The following STUM variants were observed in gnomAD, a reference collection of about 807,000 sequenced individuals.
STUM encodes the protein protein stum homolog.
In STUM, 8 loss-of-function variants were observed where a neutral mutation model predicts 15.3. The observed-to-expected ratio is 0.52, with a 90% CI of 0.31 to 0.94. STUM has a LOEUF of 0.94. Ranked by LOEUF, STUM falls within the 40% of genes least tolerant of loss-of-function variation. The pLI, the probability that STUM is intolerant of heterozygous loss-of-function variation, is 0.05. For synonymous variants in STUM, 78 were observed against 88.7 expected (o/e 0.88, Z 0.68); for missense variants, 142 against 204.9 (o/e 0.69, Z 1.87).
At chr1:226,568,331 G>A (rs78002463) in intron 1 of STUM, among the ~76,000 whole-genome samples, 2,006 of 152,294 alleles carry the variant, frequency 0.013, 49 homozygotes, top group African/African-American at 0.045. Context: ...CAGGGCTGCC[G>A]TCAACCCTAG....
rs1668409835 is a variant in STUM, at chr1:226,609,090, T to C, written c.*7050T>C. ...CACACACCTTCCTATTATAAATATA[T>C]AAAGCATGACATCTCTTTGGCATTC... is the stretch of plus-strand genomic sequence containing the variant. On this transcript the variant is annotated 3_prime_UTR_variant, in exon 4 of 4. Transcript: ENST00000366788. The C allele has an allele frequency of 6.6e-6, 1 of 152,264 alleles. No individual in the cohort carries two copies. Among genetic ancestry groups the C allele is most frequent in the African/African-American group, 2.4e-5 (1 of 41,474 alleles). 9.4% of individuals were successfully genotyped at this position (152,264 alleles called of 1,614,324 possible).
At chr1:226,569,541 C>T (rs1667674263) in intron 1 of STUM, among the ~76,000 whole-genome samples, 1 of 152,222 alleles carries the variant, frequency 6.6e-6, no homozygotes, top group African/African-American at 2.4e-5. Flanking sequence ...CTGCAGTTCT[C>T]AGACCTCAGA....
chr1:226,593,182 T>A (rs1668117943), intron 1 of STUM, among the ~76,000 whole-genome samples: 1 of 84,030 alleles, frequency 1.2e-5, no homozygotes, highest in African/African-American at 6.1e-5. Context: ...TGAGACTCCG[T>A]CTCAAAAAAA....
chr1:226,602,114 C>G lies in STUM; in HGVS notation c.*74C>G. ...ACCAGGCAGCTTTGGGCACAAGGAC[C>G]TTTACATGTTCTTTTCTGCCATTTT... is the stretch of plus-strand genomic sequence containing the variant. On this transcript the variant is annotated 3_prime_UTR_variant, in exon 4 of 4. Transcript: ENST00000366788. 8.8e-7 allele frequency: 1 copy of G among 1,142,678 alleles called. No individual in the cohort carries two copies. The highest frequency in any genetic ancestry group is 1.3e-5 in the South Asian group (1 of 77,772). The allele number at this position is 1,142,678 out of a possible 1,614,324, so 70.8% of individuals were successfully genotyped here. A position where few individuals can be genotyped will look rare whatever the true frequency, so the allele number is the denominator to read the frequency against.
At chr1:226,599,266 G>A (rs1171481201) in intron 2 of STUM, among the ~76,000 whole-genome samples, 1 of 152,154 alleles carries the variant, frequency 6.6e-6, no homozygotes, top group African/African-American at 2.4e-5. Context: ...CCTCATTCTT[G>A]CCCACTGCCT....
chr1:226,583,241 C>CATTGCAAAGGCT (rs1667946697), intron 1 of STUM, among the ~76,000 whole-genome samples: 1 of 151,966 alleles, frequency 6.6e-6, no homozygotes, highest in Non-Finnish European at 1.5e-5. Flanking sequence ...AGCAAAGTCA[C>CATTGCAAAGGCT]ATTGCAAAGG....
intron 1 of STUM, among the ~76,000 whole-genome samples, chr1:226,558,949 C>T (rs1181336837): frequency 6.6e-6 from 1 of 152,130 alleles, no homozygotes; most frequent in Non-Finnish European, 1.5e-5. Flanking sequence ...GGCCCAGGCC[C>T]AGCACATACT....
intron 1 of STUM, among the ~76,000 whole-genome samples, chr1:226,572,719 C>T (rs1334041746): frequency 6.6e-6 from 1 of 152,190 alleles, no homozygotes; most frequent in African/African-American, 2.4e-5. Context: ...GGGGAAATGC[C>T]TGGAAGCCCC....
At chr1:226,568,810 G>C (rs571810091) in intron 1 of STUM, among the ~76,000 whole-genome samples, 2 of 152,398 alleles carry the variant, frequency 1.3e-5, no homozygotes, top group Admixed American at 1.3e-4. Context: ...ACACCTCATT[G>C]CTCCAGGGAC....
chr1:226,568,773 C>T (rs1018459884), intron 1 of STUM, among the ~76,000 whole-genome samples: 1 of 152,256 alleles, frequency 6.6e-6, no homozygotes, highest in African/African-American at 2.4e-5. Context: ...TGAGGAGCTT[C>T]GCCCCTGCGA....
At chr1:226,585,062 A>G (rs1667975528) in intron 1 of STUM, among the ~76,000 whole-genome samples, 1 of 152,222 alleles carries the variant, frequency 6.6e-6, no homozygotes, top group Non-Finnish European at 1.5e-5. Flanking sequence ...CTTGCTGTGT[A>G]GTCATCACAA....
rs1448758566 is a variant in STUM, at chr1:226,584,372, C to T, written c.203-12430C>T. ...ATCCAGCAGTTTGTTAAGGCCTGAG[C>T]CAGGAAACTGGCACAGTGCCACTTC... On this transcript the variant is annotated intron_variant, in intron 1 of 3. Coordinates refer to ENST00000366788, the MANE Select transcript of STUM (RefSeq NM_001003665.4). Among the ~76,000 whole-genome samples, 3 of 152,218 alleles carry T rather than the reference C, an allele frequency of 2.0e-5. No homozygotes were observed. The East Asian group carries it at 5.8e-4, about 29-fold the overall frequency.
At chr1:226,570,794 A>G (rs1380852498) in intron 1 of STUM, among the ~76,000 whole-genome samples, 1 of 152,208 alleles carries the variant, frequency 6.6e-6, no homozygotes, top group Non-Finnish European at 1.5e-5. Context: ...TTTTTGTGCC[A>G]TTGGACCCTT....
intron 1 of STUM, among the ~76,000 whole-genome samples, chr1:226,569,726 G>A (rs1397727320): frequency 6.6e-6 from 1 of 152,166 alleles, no homozygotes; most frequent in African/African-American, 2.4e-5. Context: ...GCCTGGGATT[G>A]AGGGACAAGA....
At chr1:226,601,590 G>A (rs1171730151) in intron 3 of STUM, among the ~76,000 whole-genome samples, 1 of 152,148 alleles carries the variant, frequency 6.6e-6, no homozygotes, top group Non-Finnish European at 1.5e-5. Context: ...CCCTCTGTAT[G>A]CCATCTTCCT....
chr1:226,551,268 G>A (rs941732941), intron 1 of STUM, among the ~76,000 whole-genome samples: 2 of 152,174 alleles, frequency 1.3e-5, no homozygotes, highest in African/African-American at 4.8e-5. Flanking sequence ...CTGGTGCATA[G>A]GAAGCTCTCT....
chr1:226,581,594 G>T (rs111337106), intron 1 of STUM, among the ~76,000 whole-genome samples: 549 of 151,986 alleles, frequency 3.6e-3, no homozygotes, highest in Middle Eastern at 0.01. Flanking sequence ...TTTCTTTTTT[G>T]AGATGGAGTC....
chr1:226,574,220 C>T (rs1667767656), intron 1 of STUM, among the ~76,000 whole-genome samples: 1 of 152,194 alleles, frequency 6.6e-6, no homozygotes, highest in Admixed American at 6.5e-5. Flanking sequence ...CAACTTTGTG[C>T]CCTTTGACCT....
chr1:226,589,140 C>T (rs1668044685), intron 1 of STUM, among the ~76,000 whole-genome samples: 1 of 152,192 alleles, frequency 6.6e-6, no homozygotes, highest in South Asian at 2.1e-4. Flanking sequence ...CACTGAGTTC[C>T]AAGAGGCTTT....
Sources: allele counts gnomAD v4.1 joint callset (sites outside exome capture counted in the v4.1 genomes callset), GRCh38; gene constraint gnomAD v4.1.1; transcripts MANE v1.5; gene names NCBI Gene and HGNC (gene_info 2026-07-23, HGNC 2026-07-21).